COL12A1: variants seen among roughly 807,000 people sequenced by gnomAD.
COL12A1 encodes the protein collagen alpha-1(XII) chain.
Under a neutral mutation model 349.7 loss-of-function variants are expected in COL12A1, and 114 were observed. That is an observed-to-expected ratio of 0.33 (90% CI 0.28 to 0.38). The LOEUF is 0.38. Among genes scored for constraint, COL12A1 ranks in the 10% least tolerant of loss-of-function variants. COL12A1 has a pLI of 1.00. For missense variants in COL12A1, 3,284 were observed against 3,756.9 expected, an observed-to-expected ratio of 0.87 and a Z score of 3.29; for synonymous variants, 1,369 against 1,329.0, an observed-to-expected ratio of 1.03 and a Z score of -0.66.
chr6:75,195,089 T>C, intron 2 of COL12A1, 142 bp from the exon 3 acceptor site: 1 of 532,216 alleles, frequency 1.9e-6, no homozygotes, highest in South Asian at 3.1e-5. Flanking sequence ...AGATATGTTG[T>C]TGGATAAGAA....
rs149418878 is a variant in COL12A1 at position 75,181,327 on chromosome 6, T to G, written c.1892-116A>C. The G allele has an allele frequency of 1.1e-4, 108 of 976,018 alleles. No individual in the cohort carries two copies. In the African/African-American group the frequency reaches 1.5e-3, roughly 14 times the overall value. The allele number at this position is 976,018 out of a possible 1,614,324, so 60.5% of individuals were successfully genotyped here. A position where few individuals can be genotyped will look rare whatever the true frequency, so the allele number is the denominator to read the frequency against. On this transcript the variant is annotated intron_variant, in intron 10 of 65. Coordinates refer to ENST00000322507, the MANE Select transcript of COL12A1 (RefSeq NM_004370.6). Reference sequence around the variant, plus strand: ...ATTAATTTGGGAGAATGGTGCTCATTGAGACTACTGTACTGGGTATCTCAT... The same window carrying G: ...ATTAATTTGGGAGAATGGTGCTCATGGAGACTACTGTACTGGGTATCTCAT...
intron 17 of COL12A1, 150 bp from the exon 18 acceptor site, chr6:75,152,632 A>T: frequency 1.3e-6 from 1 of 795,026 alleles, no homozygotes; most frequent in Non-Finnish European, 2.0e-6. Flanking sequence ...AGACTCTGAA[A>T]ATATGTCCAT....
rs1315426605 is a variant in COL12A1, at chr6:75,183,333, T to A, written c.1608A>T (p.Gly536=). The A allele has an allele frequency of 1.9e-6, 3 of 1,614,130 alleles. No individual in the cohort carries two copies. Among genetic ancestry groups the A allele is most frequent in the African/African-American group, 1.3e-5 (1 of 74,954 alleles). ...TGACCTTTGGCACATTGCTTCTTGA[T>A]CCCTTGCTAGGCACAAATATTTTCT... is the stretch of plus-strand genomic sequence containing the variant. ...VREKIFVPSK[G]SRSNVPKVMI... The change falls in exon 10 of 66, where the codon GGA becomes GGT. Residue 536 remains glycine (G), a synonymous_variant. Transcript: ENST00000322507.
intron 32 of COL12A1, 120 bp from the exon 33 acceptor site, chr6:75,134,117 T>TCACTACTTCAA: frequency 9.2e-7 from 1 of 1,083,448 alleles, no homozygotes; most frequent in Non-Finnish European, 1.3e-6. Context: ...AAACATTTGT[T>TCACTACTTCAA]GAAGTAGTGA....
chr6:75,152,722 A>G (rs1247283138), intron 17 of COL12A1, among the ~76,000 whole-genome samples: 1 of 152,096 alleles, frequency 6.6e-6, no homozygotes, highest in Admixed American at 6.6e-5. Flanking sequence ...TCTTTCCTTT[A>G]TCTTTGACTC....
At chr6:75,170,070 G>A (rs1768545028) in intron 13 of COL12A1, among the ~76,000 whole-genome samples, 1 of 152,150 alleles carries the variant, frequency 6.6e-6, no homozygotes, top group East Asian at 1.9e-4. Flanking sequence ...CCAAGCCAAA[G>A]AACTAATGCC....
rs553138633 is a variant in COL12A1 at position 75,126,221 on chromosome 6, TTTGG to T, written c.6460+126_6460+129del. The T allele has an allele frequency of 3.6e-3, 3,827 of 1,050,238 alleles. 8 individuals are homozygous for T. Among genetic ancestry groups the T allele is most frequent in the Non-Finnish European group, 4.5e-3 (3,484 of 765,888 alleles). 65.1% of individuals were successfully genotyped at this position (1,050,238 alleles called of 1,614,324 possible). A position where few individuals can be genotyped will look rare whatever the true frequency, so the allele number is the denominator to read the frequency against. On this transcript the variant is annotated intron_variant, in intron 39 of 65. Transcript: ENST00000322507. ...AAATGTTATTGCCAAAAACATTGCC[TTTGG>T]TTACAGGAAACTTGGTGTGATCTGA... is the stretch of plus-strand genomic sequence containing the variant.
At chr6:75,202,661 G>GT (rs1427694575) in intron 2 of COL12A1, 59 bp downstream of exon 2, 7 of 1,483,818 alleles carry the variant, frequency 4.7e-6, no homozygotes, top group African/African-American at 4.2e-5. Flanking sequence ...AGAAAGATGT[G>GT]TTTTTTCCTT....
At chr6:75,203,916 C>A (rs1429942786) in intron 1 of COL12A1, among the ~76,000 whole-genome samples, 1 of 152,144 alleles carries the variant, frequency 6.6e-6, no homozygotes, top group South Asian at 2.1e-4. Flanking sequence ...GACTGTCCTG[C>A]GTCGGAATGC....
chr6:75,094,643 T>C (rs1416131252), intron 60 of COL12A1, among the ~76,000 whole-genome samples: 5 of 152,228 alleles, frequency 3.3e-5, no homozygotes, highest in African/African-American at 1.2e-4. Context: ...ATTTTAATTC[T>C]GGTTCTGATG....
In COL12A1 at chr6:75,137,437, C is replaced by T. The variant is rs1766672840; in HGVS notation, c.5394G>A (p.Thr1798=). The change falls in exon 31 of 66, where the codon ACG becomes ACA. Residue 1798 remains threonine (T), a splice_region_variant and synonymous_variant. Transcript: ENST00000322507. ...GTTATAATTTTTATTAAAAAATTAC[C>T]GTTTGCTCATTGCCTTCCCCTGTGG... ...QPSTGEGNEQ[T]TTIGGRQNSV... is the part of the protein sequence containing the mutation. 6 of 1,578,494 alleles carry T rather than the reference C, an allele frequency of 3.8e-6. No individual in the cohort carries two copies. Among genetic ancestry groups the T allele is most frequent in the Non-Finnish European group, 5.1e-6 (6 of 1,166,984 alleles).
At chr6:75,121,163 A>G (rs1765706836) in intron 44 of COL12A1, 139 bp downstream of exon 44, 1 of 730,330 alleles carries the variant, frequency 1.4e-6, no homozygotes, top group African/African-American at 1.8e-5. Context: ...CCCTCCCAAA[A>G]ATACATGAAT....
Position 75,085,736 on chromosome 6 carries a change from G to T in COL12A1, c.*811C>A. The stretch of plus-strand genomic sequence containing the variant: ...TTCAAAGAACAACTTGGAAAGATGA[G>T]GAGGTGAGGGGAAGTTTCATTGGCT... On this transcript the variant is annotated 3_prime_UTR_variant, in exon 66 of 66. Transcript: ENST00000322507. The T allele has an allele frequency of 4.6e-6, 1 of 216,420 alleles. No individual in the cohort carries two copies. The highest frequency in any genetic ancestry group is 2.3e-5 in the African/African-American group (1 of 43,792). 13.4% of individuals were successfully genotyped at this position (216,420 alleles called of 1,614,324 possible). A position where few individuals can be genotyped will look rare whatever the true frequency, so the allele number is the denominator to read the frequency against.
intron 54 of COL12A1, among the ~76,000 whole-genome samples, chr6:75,104,945 G>GA (rs1300949827): frequency 6.6e-6 from 1 of 152,042 alleles, no homozygotes; most frequent in Non-Finnish European, 1.5e-5. Flanking sequence ...ATATCTTTAA[G>GA]AAAAAATCTC....
intron 63 of COL12A1, among the ~76,000 whole-genome samples, chr6:75,089,839 T>G (rs994461228): frequency 2.0e-5 from 3 of 152,192 alleles, no homozygotes; most frequent in Non-Finnish European, 4.4e-5. Context: ...GGGTAGCTGA[T>G]TTAGTTTGCC....
intron 14 of COL12A1, among the ~76,000 whole-genome samples, chr6:75,157,907 A>G (rs1425837279): frequency 1.3e-5 from 2 of 152,280 alleles, no homozygotes; most frequent in East Asian, 3.9e-4. Context: ...GATATTTAGT[A>G]GGTGATTGTC....
At chr6:75,184,283 A>C in intron 8 of COL12A1, 139 bp from the exon 9 acceptor site, 2 of 919,824 alleles carry the variant, frequency 2.2e-6, no homozygotes, top group Non-Finnish European at 1.6e-6. Context: ...TACCCGCCTC[A>C]GTCCCCAATT....
chr6:75,095,168 G>A lies in COL12A1; in HGVS notation c.8589C>T (p.Gly2863=), dbSNP rs1179428844. ...CACTTGGTCCTGTGACTCCTGGGGA[G>A]CCTGGGCTTCCCTACAACACATGGA... The part of the protein sequence containing the change: ...RGPPGPPGSP[G]SPGVTGPSGK... The change falls in exon 60 of 66, where the codon GGC becomes GGT. Residue 2863 remains glycine (G), a synonymous_variant. Coordinates refer to ENST00000322507, the MANE Select transcript of COL12A1 (RefSeq NM_004370.6). The A allele has an allele frequency of 6.2e-7, 1 of 1,613,826 alleles. No individual in the cohort carries two copies. The highest frequency in any genetic ancestry group is 1.1e-5 in the South Asian group (1 of 91,006).
Position 75,184,110 on chromosome 6 carries a change from T to C in COL12A1, c.1032A>G (p.Glu344=), listed in dbSNP as rs371748094. ...TTAGCTTAACATATTTTGAAGAGAC[T>C]TCCATGGCAATCAAATTTGAAGGAG... ...VEPPSNLIAM[E]VSSKYVKLNW... Residue 344 remains glutamate, a synonymous_variant, in exon 9 of 66, where the codon GAA becomes GAG. Coordinates refer to ENST00000322507, the MANE Select transcript of COL12A1 (RefSeq NM_004370.6). 1.1e-5 allele frequency: 18 copies of C among 1,613,950 alleles called. No individual in the cohort carries two copies. Among genetic ancestry groups the C allele is most frequent in the Non-Finnish European group, 1.5e-5 (18 of 1,179,878 alleles).
Sources: allele counts gnomAD v4.1 joint callset (sites outside exome capture counted in the v4.1 genomes callset), GRCh38; gene constraint gnomAD v4.1.1; transcripts MANE v1.5; gene names NCBI Gene and HGNC (gene_info 2026-07-23, HGNC 2026-07-21).